The following RANBP17 variants were observed in gnomAD, a reference collection of about 807,000 sequenced individuals.
The protein encoded by RANBP17 is ran-binding protein 17.
A neutral mutation model predicts 141.2 loss-of-function variants in RANBP17; 158 were observed. That is an observed-to-expected ratio of 1.12 (90% CI 0.98 to 1.28). The LOEUF (loss-of-function observed/expected upper bound fraction) is 1.28, where lower values mean the gene tolerates loss of function less well. RANBP17 is among the 50% of genes most tolerant of loss of function. The pLI is 0.00. For missense variants in RANBP17, 1,438 were observed against 1,290.7 expected, an observed-to-expected ratio of 1.11 and a Z score of -1.75; for synonymous variants, 430 against 450.0, an observed-to-expected ratio of 0.96 and a Z score of 0.56.
At chr5:170,904,014 G>A (rs1581107720) in intron 5 of RANBP17, 3 of 478,946 alleles carry the variant, frequency 6.3e-6, no homozygotes, top group South Asian at 3.6e-5. Flanking sequence ...GTTTTCAAAT[G>A]CCTTTAGTAA....
intron 1 of RANBP17, among the ~76,000 whole-genome samples, chr5:170,868,848 T>C (rs1329102212): frequency 2.0e-5 from 3 of 152,218 alleles, no homozygotes; most frequent in African/African-American, 7.2e-5. Flanking sequence ...AATGAAGTGC[T>C]AAACAGAAGA....
intron 12 of RANBP17, among the ~76,000 whole-genome samples, chr5:170,948,657 G>C (rs181841322): frequency 1.3e-5 from 2 of 152,244 alleles, no homozygotes; most frequent in Admixed American, 1.3e-4. Flanking sequence ...CAAATCCGGT[G>C]CAATCCACTT....
At chr5:171,294,578 G>A (rs1309161536) in intron 26 of RANBP17, among the ~76,000 whole-genome samples, 1 of 152,198 alleles carries the variant, frequency 6.6e-6, no homozygotes, top group African/African-American at 2.4e-5. Context: ...GAAAAAGACA[G>A]TGAGATTAGA....
intron 14 of RANBP17, among the ~76,000 whole-genome samples, chr5:171,155,728 A>C (rs974884647): frequency 6.6e-6 from 1 of 152,198 alleles, no homozygotes; most frequent in Admixed American, 6.5e-5. Context: ...TGTCATCTTG[A>C]AGTAAAGATG....
In RANBP17 at chr5:170,968,352, G is replaced by A; in HGVS notation, c.1685G>A (p.Gly562Asp). ...GATCAGTTTCGTAAAACATATGTTGGTGATCAACTTCAAAGAACCTCAAAG... is the reference window on the plus strand; with the variant it reads ...GATCAGTTTCGTAAAACATATGTTGATGATCAACTTCAAAGAACCTCAAAG... Reference protein sequence around the residue: ...FLDQFRKTYVGDQLQRTSKVY... With the variant: ...FLDQFRKTYVDDQLQRTSKVY... Residue 562 changes from glycine (G) to aspartate (D), a missense_variant, in exon 14 of 28, where the codon GGT (glycine) becomes GAT (aspartate). Coordinates refer to ENST00000523189, the MANE Select transcript of RANBP17 (RefSeq NM_022897.5). The A allele has an allele frequency of 1.2e-6, 2 of 1,605,520 alleles. No homozygotes were observed. Among genetic ancestry groups the A allele is most frequent in the Non-Finnish European group, 1.7e-6 (2 of 1,176,974 alleles).
intron 1 of RANBP17, among the ~76,000 whole-genome samples, chr5:170,874,287 C>A (rs916861142): frequency 6.6e-6 from 1 of 152,082 alleles, no homozygotes; most frequent in Non-Finnish European, 1.5e-5. Flanking sequence ...TACCATGTGG[C>A]ACTAGAAGAA....
At chr5:171,010,095 A>C (rs1779930205) in intron 14 of RANBP17, among the ~76,000 whole-genome samples, 1 of 151,994 alleles carries the variant, frequency 6.6e-6, no homozygotes. Context: ...AAGTGAGGGA[A>C]CCCCCAAATT....
At chr5:170,916,436 T>G in intron 8 of RANBP17, 29 bp from the exon 9 acceptor site, 2 of 1,504,926 alleles carry the variant, frequency 1.3e-6, no homozygotes, top group Non-Finnish European at 1.8e-6. Flanking sequence ...CTTTGAAAAT[T>G]GAAATGAAAT....
At chr5:171,110,544 T>C (rs1449839287) in intron 14 of RANBP17, among the ~76,000 whole-genome samples, 1 of 152,168 alleles carries the variant, frequency 6.6e-6, no homozygotes, top group African/African-American at 2.4e-5. Flanking sequence ...CTACTCCTTC[T>C]ACATTTTCCA....
chr5:171,036,680 A>G (rs574575758), intron 14 of RANBP17, among the ~76,000 whole-genome samples: 16 of 151,716 alleles, frequency 1.1e-4, no homozygotes, highest in Non-Finnish European at 2.2e-4. Flanking sequence ...GCAAGTAATA[A>G]CATGTGGTAT....
At chr5:171,093,117 G>A (rs921567908) in intron 14 of RANBP17, among the ~76,000 whole-genome samples, 5 of 151,892 alleles carry the variant, frequency 3.3e-5, no homozygotes, top group Non-Finnish European at 5.9e-5. Context: ...GGCTAAGGCC[G>A]GAGAATTGCT....
intron 24 of RANBP17, among the ~76,000 whole-genome samples, chr5:171,256,241 T>A (rs1765882483): frequency 6.6e-6 from 1 of 152,206 alleles, no homozygotes; most frequent in South Asian, 2.1e-4. Flanking sequence ...CTTGGGCAAG[T>A]CACTTAACCT....
chr5:170,972,507 A>G (rs750200825), intron 14 of RANBP17, among the ~76,000 whole-genome samples: 73 of 151,772 alleles, frequency 4.8e-4, no homozygotes, highest in Non-Finnish European at 9.3e-4. Context: ...TTTTATTACC[A>G]TTTTTGAGAT....
chr5:171,018,339 A>C (rs902624944), intron 14 of RANBP17, among the ~76,000 whole-genome samples: 5 of 152,162 alleles, frequency 3.3e-5, no homozygotes, highest in Non-Finnish European at 5.9e-5. Context: ...TCTATGAATT[A>C]CTTTGAGCAG....
intron 7 of RANBP17, among the ~76,000 whole-genome samples, chr5:170,913,779 ATAGC>A (rs1156621271): frequency 6.6e-6 from 1 of 151,958 alleles, no homozygotes; most frequent in African/African-American, 2.4e-5. Context: ...GAATGTAACT[ATAGC>A]TAAGTTGAAA....
At chr5:170,943,204 G>A (rs1046692470) in intron 12 of RANBP17, among the ~76,000 whole-genome samples, 4 of 152,066 alleles carry the variant, frequency 2.6e-5, no homozygotes, top group South Asian at 2.1e-4. Context: ...GTTTTTTTGC[G>A]TGTGTGAACA....
At chr5:171,091,135 G>A (rs1786232567) in intron 14 of RANBP17, among the ~76,000 whole-genome samples, 1 of 152,170 alleles carries the variant, frequency 6.6e-6, no homozygotes, top group South Asian at 2.1e-4. Context: ...TTCAATGCCA[G>A]CCCATGAAAG....
rs1225226970 is a variant in RANBP17 at position 171,232,593 on chromosome 5, A to G, written c.2423-8335A>G. ...AAATTCTGTAAGCTTTAAATTTTCC[A>G]TTTTTCACTTGGTACAGGAAAAGAA... On this transcript the variant is annotated intron_variant, in intron 22 of 27. Coordinates refer to ENST00000523189, the MANE Select transcript of RANBP17 (RefSeq NM_022897.5). Among the ~76,000 whole-genome samples, 8 of 152,094 alleles carry G rather than the reference A, an allele frequency of 5.3e-5. No individual in the cohort carries two copies. The East Asian group carries it at 1.5e-3, about 29-fold the overall frequency.
intron 20 of RANBP17, chr5:171,206,492 A>T (rs981333906): frequency 1.2e-4 from 18 of 156,272 alleles, no homozygotes; most frequent in African/African-American, 4.3e-4. Context: ...TAAGTGTTAT[A>T]TAATGCTTTC....
Sources: gnomAD v4.1 joint callset for allele counts (sites outside exome capture counted in the v4.1 genomes callset) on GRCh38, gnomAD v4.1.1 for gene constraint, MANE v1.5 for transcripts, NCBI Gene and HGNC (gene_info 2026-07-23, HGNC 2026-07-21) for gene names.